Variants in SCML4 observed in about 807,000 individuals in gnomAD.
SCML4 encodes the protein Scm polycomb group protein like 4.
SCML4 carries 34 observed loss-of-function variants against 41.1 expected under a neutral mutation model. That is an observed-to-expected ratio of 0.83 (90% CI 0.63 to 1.10). SCML4 has a LOEUF of 1.10. SCML4 is among the 50% of genes least tolerant of loss of function. The pLI, the probability that SCML4 is intolerant of heterozygous loss-of-function variation, is 0.00. For missense variants in SCML4, 522 were observed against 534.1 expected (o/e 0.98, Z 0.22); for synonymous variants, 214 against 220.9 (o/e 0.97, Z 0.28).
chr6:107,821,849 C>T (rs749966051), intron 1 of SCML4, among the ~76,000 whole-genome samples: 6 of 152,202 alleles, frequency 3.9e-5, no homozygotes, highest in African/African-American at 9.7e-5. Context: ...CCACCTCTGC[C>T]TGGACCAAAA....
chr6:107,843,377 G>A, the SCML4 span, among the ~76,000 whole-genome samples: 3 of 152,122 alleles, frequency 2.0e-5, no homozygotes, highest in African/African-American at 7.2e-5. Context: ...TTGTTCCACT[G>A]CCCCTTTAAA....
At chr6:107,810,647 C>T (rs1784092161) in intron 1 of SCML4, among the ~76,000 whole-genome samples, 1 of 151,956 alleles carries the variant, frequency 6.6e-6, no homozygotes, top group Non-Finnish European at 1.5e-5. Flanking sequence ...AATAATAGGC[C>T]ATTATGAAAC....
intron 2 of SCML4, among the ~76,000 whole-genome samples, chr6:107,771,835 G>A (rs938382857): frequency 6.6e-6 from 1 of 152,174 alleles, no homozygotes; most frequent in African/African-American, 2.4e-5. Flanking sequence ...ACCCTAGTAG[G>A]AACAGTCAGG....
chr6:107,777,546 T>G (rs1781055815), intron 1 of SCML4, among the ~76,000 whole-genome samples: 1 of 152,232 alleles, frequency 6.6e-6, no homozygotes, highest in Non-Finnish European at 1.5e-5. Context: ...CCTTCTGTTT[T>G]CTTGTTTTCT....
At chr6:107,774,750 G>A (rs905049699) in intron 1 of SCML4, among the ~76,000 whole-genome samples, 2 of 151,986 alleles carry the variant, frequency 1.3e-5, no homozygotes, top group Non-Finnish European at 2.9e-5. Context: ...GGCTGGGTGC[G>A]GTGGCTCACA....
chr6:107,744,126 C>T (rs1451372263), intron 5 of SCML4: 1 of 152,222 alleles, frequency 6.6e-6, no homozygotes, highest in Non-Finnish European at 1.5e-5. Flanking sequence ...CATATACCAA[C>T]AACCCTGTGT....
intron 5 of SCML4, among the ~76,000 whole-genome samples, chr6:107,727,521 C>T (rs1179297663): frequency 6.6e-6 from 1 of 152,060 alleles, no homozygotes; most frequent in Non-Finnish European, 1.5e-5. Context: ...ACAAACACGG[C>T]GTTGGCCACC....
chr6:107,808,260 C>A (rs1291562312), intron 1 of SCML4, among the ~76,000 whole-genome samples: 1 of 152,098 alleles, frequency 6.6e-6, no homozygotes, highest in Non-Finnish European at 1.5e-5. Context: ...GACATACACC[C>A]CAAAACCTTC....
the SCML4 span, among the ~76,000 whole-genome samples, chr6:107,831,009 A>C: frequency 2.0e-5 from 3 of 152,178 alleles, no homozygotes; most frequent in African/African-American, 7.2e-5. Context: ...AGCAAATGTG[A>C]GTCTCAGTCA....
At position 107,703,749 on chromosome 6, in the gene SCML4, G is replaced by C. The variant is rs925571195; in HGVS notation, c.*1451C>G. 6.6e-6 allele frequency among the ~76,000 whole-genome samples: 1 copy of C among 152,184 alleles called. No homozygotes were observed. Among genetic ancestry groups the C allele is most frequent in the Non-Finnish European group, 1.5e-5 (1 of 68,042 alleles). ...TTTTCTGATTCACCTTTGGGCGAAG[G>C]GAGGCCCTGAGTCATCCCTAACCCT... On this transcript the variant is annotated 3_prime_UTR_variant, in exon 8 of 8. Transcript: ENST00000369020.
At chr6:107,708,204 G>A (rs1461218946) in intron 6 of SCML4, among the ~76,000 whole-genome samples, 193 bp from the exon 7 acceptor site, 3 of 152,134 alleles carry the variant, frequency 2.0e-5, no homozygotes, top group East Asian at 1.9e-4. Context: ...GAGTGCAGAA[G>A]GCCACTCCTA....
chr6:107,768,097 CAA>C (rs766357180), intron 2 of SCML4, among the ~76,000 whole-genome samples: 8 of 45,650 alleles, frequency 1.8e-4, no homozygotes, highest in Admixed American at 2.1e-4. Flanking sequence ...TTCATCTGTA[CAA>C]AAAAAAAAAA....
chr6:107,802,759 C>A (rs1257102504), intron 1 of SCML4, among the ~76,000 whole-genome samples: 1 of 148,278 alleles, frequency 6.7e-6, no homozygotes, highest in Non-Finnish European at 1.5e-5. Flanking sequence ...CGGTCTCCCT[C>A]TCCCTCTCTT....
chr6:107,768,993 G>A (rs1780294507), intron 2 of SCML4, among the ~76,000 whole-genome samples: 1 of 152,152 alleles, frequency 6.6e-6, no homozygotes, highest in African/African-American at 2.4e-5. Flanking sequence ...GTCATGAAAT[G>A]TAAGGAAAAT....
chr6:107,756,086 G>T (rs1259404405), intron 2 of SCML4, among the ~76,000 whole-genome samples: 1 of 152,198 alleles, frequency 6.6e-6, no homozygotes, highest in Admixed American at 6.5e-5. Flanking sequence ...ACTCTCCCAT[G>T]CATAAAAATT....
At chr6:107,770,554 G>C (rs1382969751) in intron 2 of SCML4, among the ~76,000 whole-genome samples, 1 of 152,208 alleles carries the variant, frequency 6.6e-6, no homozygotes, top group East Asian at 1.9e-4. Flanking sequence ...CTTCCCATAA[G>C]AGAAACTCTA....
intron 2 of SCML4, among the ~76,000 whole-genome samples, chr6:107,757,073 G>A (rs775501099): frequency 2.0e-5 from 3 of 152,198 alleles, no homozygotes. Flanking sequence ...GGGACAAAGC[G>A]GTAGGGCAAA....
At chr6:107,773,918 C>A (rs1780718497) in intron 1 of SCML4, among the ~76,000 whole-genome samples, 1 of 152,216 alleles carries the variant, frequency 6.6e-6, no homozygotes, top group African/African-American at 2.4e-5. Context: ...GACAAGATTG[C>A]TCTGCTCAGG....
intron 1 of SCML4, among the ~76,000 whole-genome samples, chr6:107,779,180 A>T (rs1274655172): frequency 6.7e-6 from 1 of 148,668 alleles, no homozygotes; most frequent in African/African-American, 2.5e-5. Context: ...ACTCCATCTC[A>T]AAATAAATAA....
Sources: allele counts gnomAD v4.1 joint callset (sites outside exome capture counted in the v4.1 genomes callset), GRCh38; gene constraint gnomAD v4.1.1; transcripts MANE v1.5; gene names NCBI Gene and HGNC (gene_info 2026-07-23, HGNC 2026-07-21).